The following ACACA variants were observed in gnomAD, a reference collection of about 807,000 sequenced individuals.
ACACA encodes the protein acetyl-CoA carboxylase alpha.
In ACACA, 103 loss-of-function variants were observed where a neutral mutation model predicts 296.1. That is an observed-to-expected ratio of 0.35 (90% CI 0.30 to 0.41). The LOEUF (loss-of-function observed/expected upper bound fraction) is 0.41, where lower values mean the gene tolerates loss of function less well. Among genes scored for constraint, ACACA ranks in the 10% least tolerant of loss-of-function variants. The pLI, the probability that ACACA is intolerant of heterozygous loss-of-function variation, is 1.00. For missense variants in ACACA, 1,554 were observed against 2,989.7 expected (o/e 0.52, Z 11.20); for synonymous variants, 953 against 1,038.6 (o/e 0.92, Z 1.58).
intron 32 of ACACA, 82 bp from the exon 33 acceptor site, chr17:37,205,954 T>A: frequency 1.6e-6 from 2 of 1,223,154 alleles, no homozygotes; most frequent in Non-Finnish European, 2.4e-6. Context: ...TTTGGTAGAA[T>A]ACCTGAAAAA....
At chr17:37,344,951 C>T (rs1404188644) in intron 1 of ACACA, among the ~76,000 whole-genome samples, 1 of 152,170 alleles carries the variant, frequency 6.6e-6, no homozygotes, top group Non-Finnish European at 1.5e-5. Flanking sequence ...CAGAGGGTTT[C>T]TAGATTGGGG....
At chr17:37,244,966 G>A (rs2080619237) in intron 20 of ACACA, 114 bp downstream of exon 20, 1 of 1,499,580 alleles carries the variant, frequency 6.7e-7, no homozygotes, top group East Asian at 2.3e-5. Context: ...AAGATTAATA[G>A]GGGACAAAGC....
chr17:37,280,761 A>ACACACC (rs768423798), intron 5 of ACACA, among the ~76,000 whole-genome samples: 2,161 of 150,828 alleles, frequency 0.014, 60 homozygotes, highest in African/African-American at 0.05. Context: ...ACACACACAC[A>ACACACC]CCCCAAAAAA....
At chr17:37,265,184 C>T (rs897684592) in intron 10 of ACACA, among the ~76,000 whole-genome samples, 1 of 152,156 alleles carries the variant, frequency 6.6e-6, no homozygotes, top group Non-Finnish European at 1.5e-5. Flanking sequence ...GCCACAAAGC[C>T]AGCTAAGATT....
chr17:37,219,080 G>A (rs903964966), intron 29 of ACACA, among the ~76,000 whole-genome samples: 2 of 152,204 alleles, frequency 1.3e-5, no homozygotes, highest in African/African-American at 4.8e-5. Flanking sequence ...GACCAACTGT[G>A]TGATTAGAAG....
intron 1 of ACACA, among the ~76,000 whole-genome samples, chr17:37,350,542 A>C (rs923317746): frequency 9.3e-4 from 141 of 152,160 alleles, no homozygotes; most frequent in African/African-American, 3.2e-3. Flanking sequence ...ATGAACAAAC[A>C]AAAAAATGTG....
At chr17:37,254,781 C>T (rs915586921) in intron 14 of ACACA, among the ~76,000 whole-genome samples, 16 of 151,256 alleles carry the variant, frequency 1.1e-4, no homozygotes, top group Non-Finnish European at 1.2e-4. Context: ...GTCAGGAATT[C>T]GAGACCAGCC....
intron 1 of ACACA, among the ~76,000 whole-genome samples, chr17:37,399,506 C>T (rs2051210092): frequency 6.6e-6 from 1 of 152,150 alleles, no homozygotes; most frequent in Non-Finnish European, 1.5e-5. Context: ...AGGTCCTGTA[C>T]ATTAGGCAGA....
intron 24 of ACACA, among the ~76,000 whole-genome samples, chr17:37,237,413 A>G (rs2080163344): frequency 6.6e-6 from 1 of 152,230 alleles, no homozygotes; most frequent in African/African-American, 2.4e-5. Context: ...AAGAATACAA[A>G]TAAGTTCAAC....
At chr17:37,299,626 G>A (rs2146864760) in intron 3 of ACACA, 1 of 1,174,978 alleles carries the variant, frequency 8.5e-7, no homozygotes, top group South Asian at 3.0e-5. Context: ...GAACTGAGAG[G>A]AGCCGGGGAG....
intron 52 of ACACA, among the ~76,000 whole-genome samples, chr17:37,101,468 C>T (rs1274171281): frequency 6.6e-6 from 1 of 152,140 alleles, no homozygotes; most frequent in Non-Finnish European, 1.5e-5. Flanking sequence ...TCCCATTTTA[C>T]AGGTGAGGAG....
chr17:37,105,882 A>G (rs1238725910), intron 52 of ACACA, among the ~76,000 whole-genome samples: 1 of 150,908 alleles, frequency 6.6e-6, no homozygotes, highest in Non-Finnish European at 1.5e-5. Context: ...AAAAAAAAAG[A>G]AAGAAAGAAA....
intron 1 of ACACA, among the ~76,000 whole-genome samples, chr17:37,361,596 C>G (rs56382103): frequency 6.6e-6 from 1 of 152,156 alleles, no homozygotes; most frequent in Admixed American, 6.6e-5. Context: ...ATCTAATAAT[C>G]TAATTGTTAT....
intron 41 of ACACA, among the ~76,000 whole-genome samples, chr17:37,165,675 ATT>A (rs61254387): frequency 3.1e-4 from 43 of 139,644 alleles, no homozygotes; most frequent in African/African-American, 8.8e-4. Flanking sequence ...TGTGTAGAGA[ATT>A]TTTTTTTTTT....
At position 37,130,173 on chromosome 17, in the gene ACACA, T is replaced by C. The variant is rs767150155; in HGVS notation, c.5725A>G (p.Ile1909Val). 11 of 1,614,030 alleles carry C rather than the reference T, an allele frequency of 6.8e-6. No homozygotes were observed. In the South Asian group the frequency reaches 1.1e-4, roughly 16 times the overall value. The part of the protein sequence containing the change: ...VYTSNNQLGG[I>V]QIMHNNGVTH... ...ACCCCATTGTTGTGCATAATCTGGA[T>C]GCCCCCCAGCTGGTTATTGGAGGTG... Residue 1909 changes from isoleucine (I) to valine (V), a missense_variant, in exon 46 of 56, where the codon ATC (isoleucine) becomes GTC (valine). Physicochemically the swap from Ile to Val is conservative, Grantham distance 29 (BLOSUM62 3). Around this residue, in one of 16 missense-constraint regions of ACACA, gnomAD observed 553 missense variants for 1,043.6 expected, o/e 0.53. Transcript: ENST00000616317.
At chr17:37,204,636 C>A (rs1289889361) in intron 33 of ACACA, among the ~76,000 whole-genome samples, 2 of 152,098 alleles carry the variant, frequency 1.3e-5, no homozygotes, top group African/African-American at 4.8e-5. Context: ...GAAGTCCTCA[C>A]TGAAGAGATG....
At chr17:37,187,439 G>A (rs541619815) in intron 39 of ACACA, among the ~76,000 whole-genome samples, 1 of 152,290 alleles carries the variant, frequency 6.6e-6, no homozygotes, top group African/African-American at 2.4e-5. Context: ...TTAATCAGAA[G>A]AAATGCAATT....
intron 3 of ACACA, among the ~76,000 whole-genome samples, chr17:37,305,014 C>A (rs2083805486): frequency 6.6e-6 from 1 of 152,174 alleles, no homozygotes; most frequent in African/African-American, 2.4e-5. Flanking sequence ...AACACATTTA[C>A]AGTCGCTACT....
At chr17:37,131,392 G>C (rs1458995506) in intron 45 of ACACA, among the ~76,000 whole-genome samples, 3 of 152,172 alleles carry the variant, frequency 2.0e-5, no homozygotes, top group Non-Finnish European at 1.5e-5. Flanking sequence ...ACTGACTATT[G>C]CAAACTGCTG....
Sources: gnomAD v4.1 joint callset for allele counts (sites outside exome capture counted in the v4.1 genomes callset) on GRCh38, gnomAD v4.1.1 for gene constraint, gnomAD v4.1.1 regional missense constraint, MANE v1.5 for transcripts, NCBI Gene and HGNC (gene_info 2026-07-23, HGNC 2026-07-21) for gene names.